The following AFG1L variants were observed in gnomAD, a reference collection of about 807,000 sequenced individuals.
The protein encoded by AFG1L is AFG1 like ATPase.
Under a neutral mutation model 62.2 loss-of-function variants are expected in AFG1L, and 53 were observed. The ratio of observed to expected loss-of-function variants is 0.85; its 90% CI spans 0.68 to 1.07. The LOEUF (loss-of-function observed/expected upper bound fraction) is 1.07. Among genes scored for constraint, AFG1L ranks in the 50% least tolerant of loss-of-function variants. The pLI, the probability that AFG1L is intolerant of heterozygous loss-of-function variation, is 0.00. For missense variants in AFG1L, 555 were observed against 590.5 expected (o/e 0.94, Z 0.62); for synonymous variants, 228 against 210.3 (o/e 1.08, Z -0.73).
chr6:108,476,784 A>G (rs1773120509), intron 8 of AFG1L, 81 bp from the exon 9 acceptor site: 3 of 966,314 alleles, frequency 3.1e-6, no homozygotes. Context: ...TATGGGCAAA[A>G]AGCTAAGCAG....
rs377169480 is a variant in AFG1L, at chr6:108,431,836, G to A, written c.808-15378G>A. 1.5e-3 allele frequency among the ~76,000 whole-genome samples: 223 copies of A among 150,770 alleles called. 1 individual carries two copies. The highest frequency in any genetic ancestry group is 5.1e-3 in the African/African-American group (211 of 41,008). On this transcript the variant is annotated intron_variant, in intron 7 of 12. Transcript: ENST00000368977. ...TGACCTCAAGTGATCCACCTGCCTC[G>A]GCCTCCCAAAGTGCTGGGATTATAG... is the stretch of plus-strand genomic sequence containing the variant.
intron 10 of AFG1L, among the ~76,000 whole-genome samples, chr6:108,487,424 A>C (rs1773613941): frequency 6.6e-6 from 1 of 152,242 alleles, no homozygotes. Context: ...TAGGCAGATC[A>C]CTTAACCACT....
intron 3 of AFG1L, among the ~76,000 whole-genome samples, chr6:108,347,712 T>C (rs1443709294): frequency 6.6e-6 from 1 of 152,252 alleles, no homozygotes; most frequent in African/African-American, 2.4e-5. Context: ...TCCTTTTCTC[T>C]TAGTCTTAAA....
chr6:108,349,592 T>C (rs1779001442), intron 3 of AFG1L, among the ~76,000 whole-genome samples: 1 of 152,016 alleles, frequency 6.6e-6, no homozygotes, highest in Non-Finnish European at 1.5e-5. Flanking sequence ...CTTTATTCTT[T>C]TCCTTTGTTG....
At chr6:108,417,319 A>G (rs559382698) in intron 7 of AFG1L, among the ~76,000 whole-genome samples, 1 of 151,820 alleles carries the variant, frequency 6.6e-6, no homozygotes, top group African/African-American at 2.4e-5. Context: ...AGAAAAAGAA[A>G]AGGGGCCCTG....
intron 7 of AFG1L, among the ~76,000 whole-genome samples, chr6:108,414,956 A>G (rs534318646): frequency 6.6e-6 from 1 of 152,342 alleles, no homozygotes; most frequent in Non-Finnish European, 1.5e-5. Context: ...AAGGGTATTC[A>G]ATTAGGAAAA....
At chr6:108,479,335 G>A (rs1181575079) in intron 10 of AFG1L, among the ~76,000 whole-genome samples, 1 of 151,864 alleles carries the variant, frequency 6.6e-6, no homozygotes, top group African/African-American at 2.4e-5. Context: ...GTTATTATTT[G>A]TTGATTTTTT....
intron 11 of AFG1L, among the ~76,000 whole-genome samples, chr6:108,514,174 A>G (rs1480282250): frequency 6.6e-6 from 1 of 152,224 alleles, no homozygotes; most frequent in Non-Finnish European, 1.5e-5. Context: ...AAAACAGAGC[A>G]GAAAAACTCA....
rs189686853 is a variant in AFG1L, at chr6:108,329,415, C to T, written c.363+5367C>T. On this transcript the variant is annotated intron_variant, in intron 2 of 12. Coordinates refer to ENST00000368977, the MANE Select transcript of AFG1L (RefSeq NM_145315.5). ...CTGGATTCAAGTGATTCTCCTGTCTCGGCCTCCCGAGTAGCTGGGATTACA... is the reference window on the plus strand; with the variant it reads ...CTGGATTCAAGTGATTCTCCTGTCTTGGCCTCCCGAGTAGCTGGGATTACA... Among the ~76,000 whole-genome samples the T allele has an allele frequency of 3.1e-3, 465 of 152,176 alleles. 3 individuals carry two copies. In the East Asian group the frequency reaches 0.039, roughly 13 times the overall value.
chr6:108,399,174 G>GTTTTTTTTTTTTTTTTTTTTTTT (rs1424528059), intron 6 of AFG1L, among the ~76,000 whole-genome samples: 1 of 51,414 alleles, frequency 1.9e-5, no homozygotes, highest in African/African-American at 8.4e-5. Flanking sequence ...CACTTCTTTT[G>GTTTTTTTTTTTTTTTTTTTTTTT]TTTGTTTTTT....
chr6:108,405,246 T>G (rs78430486), intron 7 of AFG1L, among the ~76,000 whole-genome samples: 4,691 of 152,314 alleles, frequency 0.031, 220 homozygotes, highest in African/African-American at 0.11. Flanking sequence ...TATAAGTGAT[T>G]TACAATGGAA....
intron 11 of AFG1L, among the ~76,000 whole-genome samples, chr6:108,518,270 T>G (rs1774981153): frequency 6.6e-6 from 1 of 152,042 alleles, no homozygotes; most frequent in Admixed American, 6.6e-5. Flanking sequence ...CCAACAATGA[T>G]AGACTGGATT....
At chr6:108,416,424 G>A (rs189977600) in intron 7 of AFG1L, among the ~76,000 whole-genome samples, 1 of 152,270 alleles carries the variant, frequency 6.6e-6, no homozygotes, top group East Asian at 1.9e-4. Flanking sequence ...CCATTACTGG[G>A]CATATACCCA....
intron 6 of AFG1L, among the ~76,000 whole-genome samples, chr6:108,368,931 C>G (rs1199677281): frequency 6.6e-6 from 1 of 152,282 alleles, no homozygotes; most frequent in East Asian, 1.9e-4. Flanking sequence ...CTGGAGAAGA[C>G]TGTAAGTTCA....
intron 8 of AFG1L, among the ~76,000 whole-genome samples, chr6:108,464,329 T>C (rs1582624703): frequency 6.6e-6 from 1 of 152,372 alleles, no homozygotes; most frequent in East Asian, 1.9e-4. Flanking sequence ...TTTGACATGT[T>C]CTGTTTCTTT....
rs530170719 is a variant in AFG1L, at chr6:108,389,783, C to T, written c.749-12213C>T. ...GATGGGCTTCCCTTTGTGGGTAACC[C>T]GACCTTTCTCTCTGGGTGCCTTTAA... On this transcript the variant is annotated intron_variant, in intron 6 of 12. Transcript: ENST00000368977. Among the ~76,000 whole-genome samples, 26 of 152,204 alleles carry T rather than the reference C, an allele frequency of 1.7e-4. No individual in the cohort carries two copies. The East Asian group carries it at 4.2e-3, about 25-fold the overall frequency.
intron 7 of AFG1L, among the ~76,000 whole-genome samples, chr6:108,444,057 CATCTATCT>C (rs60098143): frequency 0.014 from 2,084 of 145,182 alleles, 23 homozygotes; most frequent in Middle Eastern, 0.041. Flanking sequence ...GAATATCTCC[CATCTATCT>C]ATCTATCTAT....
intron 1 of AFG1L, chr6:108,319,579 A>G (rs369216457): frequency 5.9e-6 from 1 of 168,714 alleles, no homozygotes; most frequent in South Asian, 1.2e-4. Context: ...GTGCTTGGCC[A>G]AAACAATTTT....
At chr6:108,372,953 G>C (rs1321633622) in intron 6 of AFG1L, 1 of 152,358 alleles carries the variant, frequency 6.6e-6, no homozygotes, top group Non-Finnish European at 1.5e-5. Flanking sequence ...CATATGCCAT[G>C]CTCTGCTCTT....
Sources: allele counts gnomAD v4.1 joint callset (sites outside exome capture counted in the v4.1 genomes callset), GRCh38; gene constraint gnomAD v4.1.1; transcripts MANE v1.5; gene names NCBI Gene and HGNC (gene_info 2026-07-23, HGNC 2026-07-21).